ACTR3: variants seen among roughly 807,000 people sequenced by gnomAD.
ACTR3 encodes actin related protein 3.
In ACTR3, 12 loss-of-function variants were observed where a neutral mutation model predicts 56.8. The ratio of observed to expected loss-of-function variants is 0.21; its 90% CI spans 0.14 to 0.34. The LOEUF is 0.34. Among genes scored for constraint, ACTR3 ranks in the 10% least tolerant of loss-of-function variants. The pLI is 1.00. For synonymous variants in ACTR3, 162 were observed against 167.4 expected, an observed-to-expected ratio of 0.97 and a Z score of 0.25; for missense variants, 282 against 512.5, an observed-to-expected ratio of 0.55 and a Z score of 4.34.
rs1374116920 is a variant in ACTR3 at position 113,960,834 on chromosome 2, T to A, written c.*3379T>A. ...TAATTCTATTAGCTGGTATAAATAA[T>A]CCAAAATCTGTGCAGACTCTGGGAG... On this transcript the variant is annotated 3_prime_UTR_variant, in exon 12 of 12. Transcript: ENST00000263238. 1 of 151,998 alleles carries A rather than the reference T, an allele frequency of 6.6e-6. No individual in the cohort carries two copies. Among genetic ancestry groups the A allele is most frequent in the East Asian group, 1.9e-4 (1 of 5,188 alleles). The allele number at this position is 151,998 out of a possible 1,614,324, so 9.4% of individuals were successfully genotyped here.
At chr2:113,919,404 A>G (rs2104598566) in intron 3 of ACTR3, among the ~76,000 whole-genome samples, 1 of 152,122 alleles carries the variant, frequency 6.6e-6, no homozygotes, top group Non-Finnish European at 1.5e-5. Context: ...CCATTTATTT[A>G]TGGAAAAAAA....
In ACTR3 at chr2:113,962,145, G is replaced by A. The variant is rs1021851571; in HGVS notation, c.*4690G>A. ...TATTTGTCAAATATGACCGAATTAC[G>A]ACTTTTTTTCTGTTCCACTAGTTTC... is the stretch of plus-strand genomic sequence containing the variant. On this transcript the variant is annotated 3_prime_UTR_variant, in exon 12 of 12. Coordinates refer to ENST00000263238, the MANE Select transcript of ACTR3 (RefSeq NM_005721.5). 1 of 151,816 alleles carries A rather than the reference G, an allele frequency of 6.6e-6. No individual in the cohort carries two copies. Among genetic ancestry groups the A allele is most frequent in the African/African-American group, 2.4e-5 (1 of 41,352 alleles). 9.4% of individuals were successfully genotyped at this position (151,816 alleles called of 1,614,324 possible).
chr2:113,951,332 G>A (rs1346945373), intron 8 of ACTR3, 147 bp from the exon 9 acceptor site: 2 of 532,132 alleles, frequency 3.8e-6, no homozygotes, highest in East Asian at 6.0e-5. Context: ...TCTGATTTCA[G>A]TGTCTTCAAT....
chr2:113,900,494 C>CT (rs1286381346), intron 1 of ACTR3, among the ~76,000 whole-genome samples: 1 of 152,048 alleles, frequency 6.6e-6, no homozygotes, highest in Non-Finnish European at 1.5e-5. Context: ...CGTTGAGAAT[C>CT]TTTGAAAGCA....
chr2:113,921,166 C>G (rs1281889569), intron 3 of ACTR3, among the ~76,000 whole-genome samples: 1 of 152,062 alleles, frequency 6.6e-6, no homozygotes, highest in African/African-American at 2.4e-5. Flanking sequence ...GCCATTCTAA[C>G]TATGGTGAGA....
At chr2:113,934,960 A>G (rs150830024) in intron 6 of ACTR3, among the ~76,000 whole-genome samples, 1,717 of 152,300 alleles carry the variant, frequency 0.011, 17 homozygotes, top group Non-Finnish European at 0.016. Context: ...AAATGGGTAT[A>G]TAGAGAAAGG....
intron 3 of ACTR3, among the ~76,000 whole-genome samples, chr2:113,922,346 G>A (rs747895022): frequency 1.3e-4 from 20 of 152,206 alleles, no homozygotes; most frequent in Non-Finnish European, 2.5e-4. Flanking sequence ...GAACACAGAT[G>A]ACTGAATTGA....
At chr2:113,908,399 A>G (rs1421884653) in intron 1 of ACTR3, among the ~76,000 whole-genome samples, 4 of 151,940 alleles carry the variant, frequency 2.6e-5, no homozygotes, top group African/African-American at 9.7e-5. Flanking sequence ...GTAAAACTCA[A>G]TAGAATTGGT....
At chr2:113,891,925 G>A (rs1169006323) in intron 1 of ACTR3, among the ~76,000 whole-genome samples, 1 of 152,012 alleles carries the variant, frequency 6.6e-6, no homozygotes, top group Non-Finnish European at 1.5e-5. Context: ...TAATTGGTGA[G>A]TATTTTTATG....
intron 6 of ACTR3, among the ~76,000 whole-genome samples, chr2:113,937,689 G>C (rs1341071252): frequency 6.6e-6 from 1 of 152,158 alleles, no homozygotes; most frequent in Non-Finnish European, 1.5e-5. Flanking sequence ...CCTTGTTTCT[G>C]AAAATAAGTC....
intron 1 of ACTR3, chr2:113,890,779 G>C: frequency 9.9e-7 from 1 of 1,013,708 alleles, no homozygotes. Context: ...AGCGCTCCTG[G>C]TAGGTTTGAC....
chr2:113,957,524 C>G lies in ACTR3; in HGVS notation c.*69C>G. On this transcript the variant is annotated 3_prime_UTR_variant, in exon 12 of 12. Transcript: ENST00000263238. The stretch of plus-strand genomic sequence containing the variant: ...TAATCTTTCTGATTACCTGTTTTGT[C>G]TGGATGGCTGGTTTTGAGGTTTTAA... 1 of 1,282,510 alleles carries G rather than the reference C, an allele frequency of 7.8e-7. No homozygotes were observed. The allele number at this position is 1,282,510 out of a possible 1,614,324, so 79.4% of individuals were successfully genotyped here.
intron 5 of ACTR3, among the ~76,000 whole-genome samples, chr2:113,932,638 T>G (rs1363882366): frequency 6.6e-6 from 1 of 152,168 alleles, no homozygotes; most frequent in Non-Finnish European, 1.5e-5. Context: ...CTATTCTAGT[T>G]TGGGACCGTA....
chr2:113,918,335 G>A (rs938739991), intron 3 of ACTR3, among the ~76,000 whole-genome samples: 3 of 150,306 alleles, frequency 2.0e-5, no homozygotes, highest in Non-Finnish European at 3.0e-5. Context: ...TGATTTCTTC[G>A]TCTGTAAAAT....
chr2:113,954,170 CTG>C (rs1192020160), intron 10 of ACTR3: 1 of 152,110 alleles, frequency 6.6e-6, no homozygotes, highest in African/African-American at 2.4e-5. Context: ...AGAATTTGTC[CTG>C]TGTGTGAATT....
At chr2:113,915,270 C>T (rs1448053370) in intron 2 of ACTR3, among the ~76,000 whole-genome samples, 1 of 152,166 alleles carries the variant, frequency 6.6e-6, no homozygotes, top group African/African-American at 2.4e-5. Context: ...TGTCTTCTGG[C>T]TTCTGATGTT....
intron 1 of ACTR3, among the ~76,000 whole-genome samples, chr2:113,910,450 T>C (rs904514436): frequency 1.3e-5 from 2 of 152,070 alleles, no homozygotes; most frequent in African/African-American, 4.8e-5. Flanking sequence ...TTTAGCAAAT[T>C]AATTGAACTC....
chr2:113,954,633 G>GC (rs1553498577), intron 10 of ACTR3: 1 of 138,230 alleles, frequency 7.2e-6, no homozygotes, highest in Non-Finnish European at 1.6e-5. Context: ...TGGCTCTTAG[G>GC]TTTTTTTTTT....
intron 1 of ACTR3, among the ~76,000 whole-genome samples, chr2:113,905,862 G>A (rs1203678458): frequency 1.3e-5 from 2 of 152,070 alleles, no homozygotes; most frequent in African/African-American, 4.8e-5. Flanking sequence ...TATTCCATTG[G>A]AAGTATATAT....
Sources: gnomAD v4.1 joint callset for allele counts (sites outside exome capture counted in the v4.1 genomes callset) on GRCh38, gnomAD v4.1.1 for gene constraint, MANE v1.5 for transcripts, NCBI Gene and HGNC (gene_info 2026-07-23, HGNC 2026-07-21) for gene names.